The following ZFAT variants were observed in gnomAD, a reference collection of about 807,000 sequenced individuals.
ZFAT encodes the protein zinc finger and AT-hook domain containing.
A neutral mutation model predicts 117.7 loss-of-function variants in ZFAT; 64 were observed. The observed-to-expected ratio is 0.54, with a 90% CI of 0.44 to 0.67. The LOEUF (loss-of-function observed/expected upper bound fraction) is 0.67, where lower values mean the gene tolerates loss of function less well. Among genes scored for constraint, ZFAT ranks in the 30% least tolerant of loss-of-function variants. ZFAT has a pLI of 0.00. For synonymous variants in ZFAT, 679 were observed against 615.0 expected (o/e 1.10, Z -1.54); for missense variants, 1,433 against 1,584.5 (o/e 0.90, Z 1.62).
chr8:134,717,466 C>CTTTTTT (rs746460924), upstream of ZFAT, among the ~76,000 whole-genome samples: 321 of 19,346 alleles, frequency 0.017, 131 homozygotes, highest in Non-Finnish European at 0.022. Flanking sequence ...AATAACAACT[C>CTTTTTT]TTTTTTTTTT....
chr8:134,733,494 C>T, the ZFAT span, among the ~76,000 whole-genome samples: 1 of 152,246 alleles, frequency 6.6e-6, no homozygotes, highest in South Asian at 2.1e-4. Flanking sequence ...CTGGGCCCCA[C>T]TTATGATCCT....
intron 13 of ZFAT, 85 bp downstream of exon 13, chr8:134,520,798 T>C (rs776366857): frequency 3.2e-5 from 32 of 996,146 alleles, no homozygotes; most frequent in African/African-American, 1.8e-4. Context: ...TGAGGAATGA[T>C]TGTCCGTGCC....
chr8:134,572,072 C>T (rs935678762), intron 10 of ZFAT, among the ~76,000 whole-genome samples: 3 of 152,028 alleles, frequency 2.0e-5, no homozygotes, highest in African/African-American at 4.8e-5. Context: ...ACACATTGTC[C>T]GAAAATAAGG....
intron 2 of ZFAT, among the ~76,000 whole-genome samples, 189 bp downstream of exon 2, chr8:134,657,372 C>T (rs945970923): frequency 1.5e-4 from 23 of 152,160 alleles, no homozygotes; most frequent in Admixed American, 2.6e-4. Context: ...CATTCATTTG[C>T]CAACCTACAG....
intron 5 of ZFAT, among the ~76,000 whole-genome samples, chr8:134,606,814 G>A (rs1438744632): frequency 1.3e-5 from 2 of 150,074 alleles, no homozygotes; most frequent in East Asian, 3.9e-4. Context: ...TACACATGCT[G>A]AAAAAAAGGC....
chr8:134,630,969 C>T (rs1829849947), intron 3 of ZFAT, among the ~76,000 whole-genome samples: 1 of 152,160 alleles, frequency 6.6e-6, no homozygotes, highest in South Asian at 2.1e-4. Context: ...TTGTGCTTGG[C>T]AAACTAGAGA....
At chr8:134,705,524 T>C (rs1345641784) in intron 1 of ZFAT, among the ~76,000 whole-genome samples, 1 of 151,828 alleles carries the variant, frequency 6.6e-6, no homozygotes, top group Non-Finnish European at 1.5e-5. Context: ...GCCCCCAATT[T>C]ATTTTTTATT....
chr8:134,609,336 A>G (rs1432446011), intron 4 of ZFAT, among the ~76,000 whole-genome samples: 2 of 152,164 alleles, frequency 1.3e-5, no homozygotes, highest in Non-Finnish European at 2.9e-5. Context: ...AAATATCAAA[A>G]TACTACCACT....
the ZFAT span, among the ~76,000 whole-genome samples, chr8:134,806,171 T>C: frequency 6.6e-6 from 1 of 152,204 alleles, no homozygotes; most frequent in Non-Finnish European, 1.5e-5. Flanking sequence ...AGAAAACCAA[T>C]ATACAAATTC....
At chr8:134,561,145 A>G (rs1824020721) in intron 11 of ZFAT, among the ~76,000 whole-genome samples, 1 of 152,276 alleles carries the variant, frequency 6.6e-6, no homozygotes, top group South Asian at 2.1e-4. Flanking sequence ...ACTTATAACA[A>G]CAGAAACTGG....
intron 12 of ZFAT, among the ~76,000 whole-genome samples, chr8:134,530,683 A>C (rs1402690490): frequency 6.6e-6 from 1 of 152,236 alleles, no homozygotes; most frequent in African/African-American, 2.4e-5. Context: ...ACATCTATAT[A>C]TATATGTACA....
chr8:134,754,150 C>A, the ZFAT span, among the ~76,000 whole-genome samples: 1 of 152,200 alleles, frequency 6.6e-6, no homozygotes, highest in East Asian at 1.9e-4. Context: ...ATGAACTACA[C>A]GCTCCAGGCC....
At chr8:134,575,422 T>C (rs1825226495) in intron 10 of ZFAT, among the ~76,000 whole-genome samples, 1 of 152,142 alleles carries the variant, frequency 6.6e-6, no homozygotes, top group Admixed American at 6.5e-5. Flanking sequence ...CTGCTGGCTT[T>C]GAATGTGAAG....
intron 12 of ZFAT, 84 bp from the exon 13 acceptor site, chr8:134,521,085 C>T: frequency 1.1e-6 from 1 of 935,406 alleles, no homozygotes; most frequent in Non-Finnish European, 1.6e-6. Flanking sequence ...TCAAATGCTT[C>T]AAATCTAGTA....
chr8:134,734,757 C>A, the ZFAT span, among the ~76,000 whole-genome samples: 1 of 152,224 alleles, frequency 6.6e-6, no homozygotes, highest in Non-Finnish European at 1.5e-5. Flanking sequence ...AAGGCAGGTG[C>A]TCGGGAGCAG....
chr8:134,693,021 G>A (rs148304876), intron 1 of ZFAT, among the ~76,000 whole-genome samples: 15 of 152,268 alleles, frequency 9.9e-5, no homozygotes, highest in African/African-American at 3.4e-4. Flanking sequence ...TTTTTAAGAG[G>A]GAAATACAGA....
At chr8:134,771,796 G>C in the ZFAT span, among the ~76,000 whole-genome samples, 3 of 152,176 alleles carry the variant, frequency 2.0e-5, no homozygotes, top group African/African-American at 7.2e-5. Context: ...ACATACCAGA[G>C]ACTGGCCAAT....
chr8:134,755,789 G>A, the ZFAT span, among the ~76,000 whole-genome samples: 3 of 139,960 alleles, frequency 2.1e-5, no homozygotes, highest in African/African-American at 8.0e-5. Context: ...TCCAGCCTGG[G>A]CGACAGAGCA....
At chr8:134,562,918 G>A (rs1009719302) in intron 11 of ZFAT, among the ~76,000 whole-genome samples, 1 of 152,200 alleles carries the variant, frequency 6.6e-6, no homozygotes, top group Non-Finnish European at 1.5e-5. Context: ...GTTTAGGGAA[G>A]GAAAATGCTT....
Sources: gnomAD v4.1 joint callset for allele counts (sites outside exome capture counted in the v4.1 genomes callset) on GRCh38, gnomAD v4.1.1 for gene constraint, MANE v1.5 for transcripts, NCBI Gene and HGNC (gene_info 2026-07-23, HGNC 2026-07-21) for gene names.